The following SLCO3A1 variants were observed in gnomAD, a reference collection of about 807,000 sequenced individuals.
SLCO3A1 encodes PGE1 transporter.
In SLCO3A1, 27 loss-of-function variants were observed where a neutral mutation model predicts 63.1. The ratio of observed to expected loss-of-function variants is 0.43; its 90% CI spans 0.32 to 0.59. The LOEUF (loss-of-function observed/expected upper bound fraction) is 0.59, where lower values mean the gene tolerates loss of function less well. SLCO3A1 is among the 20% of genes least tolerant of loss of function. SLCO3A1 has a pLI of 0.09. For missense variants in SLCO3A1, 773 were observed against 945.8 expected, an observed-to-expected ratio of 0.82 and a Z score of 2.40; for synonymous variants, 473 against 409.9, an observed-to-expected ratio of 1.15 and a Z score of -1.86.
At chr15:92,042,518 A>G (rs1198845741) in intron 2 of SLCO3A1, among the ~76,000 whole-genome samples, 1 of 152,128 alleles carries the variant, frequency 6.6e-6, no homozygotes, top group Non-Finnish European at 1.5e-5. Context: ...CAGGCCCTAC[A>G]CCGGGCACTG....
chr15:92,129,769 A>G (rs2047970221), intron 7 of SLCO3A1, among the ~76,000 whole-genome samples: 1 of 150,830 alleles, frequency 6.6e-6, no homozygotes, highest in Non-Finnish European at 1.5e-5. Flanking sequence ...AAGAAGAAAA[A>G]TGGATCATTT....
At chr15:92,116,160 G>A (rs997455678) in intron 4 of SLCO3A1, among the ~76,000 whole-genome samples, 12 of 152,166 alleles carry the variant, frequency 7.9e-5, no homozygotes, top group Non-Finnish European at 8.8e-5. Flanking sequence ...AAGATCACAG[G>A]TTTGCTGTGA....
At chr15:91,987,821 G>A (rs1457627584) in intron 2 of SLCO3A1, among the ~76,000 whole-genome samples, 1 of 151,398 alleles carries the variant, frequency 6.6e-6, no homozygotes, top group Non-Finnish European at 1.5e-5. Context: ...GATTCTCAAA[G>A]AGCTCAGAAG....
intron 1 of SLCO3A1, among the ~76,000 whole-genome samples, chr15:91,903,230 A>T (rs1321056577): frequency 6.6e-6 from 1 of 152,126 alleles, no homozygotes; most frequent in South Asian, 2.1e-4. Context: ...ACTGCAGGGG[A>T]CCTGAGGAAC....
Position 92,094,891 on chromosome 15 carries a change from C to T in SLCO3A1, c.657C>T (p.Phe219=), listed in dbSNP as rs767325626. Residue 219 remains phenylalanine, a synonymous_variant, in exon 3 of 10, where the codon TTC becomes TTT. Transcript: ENST00000318445. ...KDSSLYIGIL[F]TMLVFGPACG... ...TTCATCTTCCTTCAGGAATCCTGTTCACGATGCTGGTATTTGGACCAGCCT... is the reference window on the plus strand; with the variant it reads ...TTCATCTTCCTTCAGGAATCCTGTTTACGATGCTGGTATTTGGACCAGCCT... 3 of 1,612,290 alleles carry T rather than the reference C, an allele frequency of 1.9e-6. No individual in the cohort carries two copies. Among genetic ancestry groups the T allele is most frequent in the Non-Finnish European group, 2.5e-6 (3 of 1,178,538 alleles).
At chr15:91,868,797 A>G (rs1171794486) in intron 1 of SLCO3A1, among the ~76,000 whole-genome samples, 1 of 152,202 alleles carries the variant, frequency 6.6e-6, no homozygotes, top group Non-Finnish European at 1.5e-5. Context: ...TACTGTCGTG[A>G]TTTTTAAAAA....
At chr15:91,964,290 T>A (rs1900574047) in intron 2 of SLCO3A1, among the ~76,000 whole-genome samples, 1 of 130,142 alleles carries the variant, frequency 7.7e-6, no homozygotes, top group Admixed American at 7.7e-5. Flanking sequence ...GGCCTTGTCA[T>A]CTGTAATTTT....
chr15:91,952,703 T>C (rs76150893), intron 2 of SLCO3A1, among the ~76,000 whole-genome samples: 1,915 of 152,302 alleles, frequency 0.013, 49 homozygotes, highest in African/African-American at 0.043. Context: ...CCGAAATCAA[T>C]AGGGTGACTC....
At chr15:92,144,299 T>C (rs1243440965) in intron 7 of SLCO3A1, among the ~76,000 whole-genome samples, 1 of 152,020 alleles carries the variant, frequency 6.6e-6, no homozygotes, top group African/African-American at 2.4e-5. Context: ...CTCAGAGACG[T>C]GGCTTTGACT....
intron 7 of SLCO3A1, among the ~76,000 whole-genome samples, chr15:92,139,435 T>C (rs11635658): frequency 0.13 from 20,436 of 151,600 alleles, 1,807 homozygotes; most frequent in African/African-American, 0.23. Flanking sequence ...GTCTAAAATT[T>C]TCTTTTTTGG....
intron 2 of SLCO3A1, among the ~76,000 whole-genome samples, chr15:91,963,404 A>AGGGT (rs1466575502): frequency 3.2e-4 from 1 of 3,152 alleles, no homozygotes; most frequent in Non-Finnish European, 6.5e-4. Flanking sequence ...TAACTCGGGG[A>AGGGT]GGGTGGGGGG....
intron 2 of SLCO3A1, among the ~76,000 whole-genome samples, chr15:92,025,377 G>C (rs774315296): frequency 1.3e-5 from 2 of 152,166 alleles, no homozygotes; most frequent in African/African-American, 4.8e-5. Flanking sequence ...GTTCTTGAGA[G>C]AAATGTATGG....
At chr15:91,899,276 G>C (rs1267904719) in intron 1 of SLCO3A1, among the ~76,000 whole-genome samples, 4 of 152,182 alleles carry the variant, frequency 2.6e-5, no homozygotes, top group Non-Finnish European at 5.9e-5. Context: ...GTGTGGGGGG[G>C]ATGGGGCTAT....
At chr15:92,058,690 T>C (rs2047050548) in intron 2 of SLCO3A1, among the ~76,000 whole-genome samples, 1 of 152,312 alleles carries the variant, frequency 6.6e-6, no homozygotes, top group African/African-American at 2.4e-5. Flanking sequence ...TACCATAAAC[T>C]GGGTGGCTCA....
intron 1 of SLCO3A1, among the ~76,000 whole-genome samples, chr15:91,881,574 TAAAG>T (rs6145682): frequency 0.83 from 125,995 of 151,462 alleles, 52,868 homozygotes; most frequent in East Asian, 0.99. Context: ...GCTGTTGACC[TAAAG>T]AAAGAAAGAA....
At position 91,910,202 on chromosome 15, in the gene SLCO3A1, C is replaced by G. The variant is rs1821488802; in HGVS notation, c.181-5791C>G. Among the ~76,000 whole-genome samples the G allele has an allele frequency of 2.0e-5, 3 of 152,136 alleles. No homozygotes were observed. In the South Asian group the frequency reaches 6.2e-4, roughly 32 times the overall value. ...TTTGCTCTTGGAATGTTGTGGCAGC[C>G]TCTCCCCTCCCACAGCTATTAAAAT... On this transcript the variant is annotated intron_variant, in intron 1 of 9. Transcript: ENST00000318445.
At chr15:91,904,970 T>TAG (rs1898258244) in intron 1 of SLCO3A1, among the ~76,000 whole-genome samples, 2 of 152,204 alleles carry the variant, frequency 1.3e-5, no homozygotes, top group African/African-American at 2.4e-5. Context: ...CCTGACCTGG[T>TAG]AGAGATGGGT....
rs891618687 is a variant in SLCO3A1 at position 91,967,630 on chromosome 15, C to A, written c.646+51172C>A. Reference sequence around the variant, plus strand: ...AATCCCATATGAAATAAATTAAACCCGTTTTACAGATGGATTAATTGTTTT... The same window carrying A: ...AATCCCATATGAAATAAATTAAACCAGTTTTACAGATGGATTAATTGTTTT... On this transcript the variant is annotated intron_variant, in intron 2 of 9. Transcript: ENST00000318445. The surrounding 1 kb of genome is among the most constrained non-coding windows in gnomAD (Gnocchi z 4.4). Among the ~76,000 whole-genome samples the A allele has an allele frequency of 3.3e-5, 5 of 152,170 alleles. No homozygotes were observed. Among genetic ancestry groups the A allele is most frequent in the Non-Finnish European group, 1.5e-5 (1 of 68,040 alleles).
chr15:92,106,255 C>T (rs2047666505), intron 4 of SLCO3A1, among the ~76,000 whole-genome samples: 1 of 152,194 alleles, frequency 6.6e-6, no homozygotes, highest in Admixed American at 6.5e-5. Context: ...ATCCATAAAA[C>T]TTAAGTTCCA....
Sources: gnomAD v4.1 joint callset for allele counts (sites outside exome capture counted in the v4.1 genomes callset) on GRCh38, gnomAD v4.1.1 for gene constraint, Gnocchi (gnomAD v3.1) non-coding constraint, MANE v1.5 for transcripts, NCBI Gene and HGNC (gene_info 2026-07-23, HGNC 2026-07-21) for gene names.